Variants in OPRM1 observed in about 807,000 individuals in gnomAD.
OPRM1 encodes the protein opioid receptor mu 1, also known as mu-type opioid receptor.
In OPRM1, 27 loss-of-function variants were observed where a neutral mutation model predicts 31.8. The ratio of observed to expected loss-of-function variants is 0.85; its 90% CI spans 0.63 to 1.17. The LOEUF (loss-of-function observed/expected upper bound fraction) is 1.17. OPRM1 is among the 50% of genes most tolerant of loss of function. The probability of loss-of-function intolerance (pLI) is 0.00; values close to 1 mark genes in which losing one functional copy is unlikely to be tolerated. For missense variants in OPRM1, 536 were observed against 511.1 expected, an observed-to-expected ratio of 1.05 and a Z score of -0.47; for synonymous variants, 196 against 189.9, an observed-to-expected ratio of 1.03 and a Z score of -0.26.
chr6:154,212,729 G>A (rs1778065688), intron 3 of OPRM1: 1 of 1,322,922 alleles, frequency 7.6e-7, no homozygotes, highest in African/African-American at 1.4e-5. Context: ...ACATCCACAT[G>A]TCTGATCGAT....
chr6:154,025,331 A>T (rs969043541), intron 1 of OPRM1, among the ~76,000 whole-genome samples: 8 of 152,018 alleles, frequency 5.3e-5, no homozygotes, highest in Non-Finnish European at 1.0e-4. Context: ...TGATACAAGT[A>T]TAGTTAGTTA....
At chr6:154,043,379 A>G (rs1191869735) in intron 1 of OPRM1, among the ~76,000 whole-genome samples, 1 of 152,090 alleles carries the variant, frequency 6.6e-6, no homozygotes, top group Non-Finnish European at 1.5e-5. Flanking sequence ...TACTTGTTCT[A>G]TATACTAAAT....
In OPRM1 at chr6:154,173,341, G is replaced by A. The variant is rs200971154; in HGVS notation, c.1165-73352G>A. Among the ~76,000 whole-genome samples, 17 of 152,286 alleles carry A rather than the reference G, an allele frequency of 1.1e-4. No homozygotes were observed. The East Asian group carries it at 3.3e-3, about 29-fold the overall frequency. On this transcript the variant is annotated intron_variant, in intron 3 of 3. Coordinates refer to the OPRM1 transcript ENST00000337049. ...GAATTTGATGAGTTGACAGAAGTAG[G>A]CTTCAGAAGGTGGGTAATAACAAAC...
At chr6:154,031,698 G>A (rs1381300427) in intron 1 of OPRM1, among the ~76,000 whole-genome samples, 6 of 152,190 alleles carry the variant, frequency 3.9e-5, no homozygotes, top group East Asian at 3.9e-4. Context: ...CCGAGATCGC[G>A]CCATTGCACT....
At chr6:154,085,380 C>T (rs760078377) in intron 1 of OPRM1, among the ~76,000 whole-genome samples, 10 of 152,110 alleles carry the variant, frequency 6.6e-5, no homozygotes, top group Non-Finnish European at 1.3e-4. Context: ...CAGAAGAACA[C>T]AATTTTTTTC....
At chr6:154,096,063 T>C (rs1793324470) in intron 3 of OPRM1, among the ~76,000 whole-genome samples, 1 of 152,162 alleles carries the variant, frequency 6.6e-6, no homozygotes, top group Non-Finnish European at 1.5e-5. Flanking sequence ...TTGTTTGTTT[T>C]TTGATTTTTA....
At chr6:154,184,094 CTTTA>C (rs773536634) in intron 3 of OPRM1, among the ~76,000 whole-genome samples, 1 of 151,782 alleles carries the variant, frequency 6.6e-6, no homozygotes, top group African/African-American at 2.4e-5. Context: ...GTTGTTGTTG[CTTTA>C]TTTAAGAGAA....
chr6:154,068,336 A>G (rs1036009268), intron 1 of OPRM1, among the ~76,000 whole-genome samples: 1 of 152,138 alleles, frequency 6.6e-6, no homozygotes, highest in Admixed American at 6.5e-5. Context: ...AACAGTAATT[A>G]TGTCTTCTTT....
intron 3 of OPRM1, among the ~76,000 whole-genome samples, chr6:154,094,999 A>G (rs567193624): frequency 1.3e-5 from 2 of 152,350 alleles, no homozygotes; most frequent in African/African-American, 4.8e-5. Context: ...CATTAAAAAG[A>G]AAGTACTTCT....
chr6:154,053,014 A>G (rs1017892213), intron 1 of OPRM1, among the ~76,000 whole-genome samples: 6 of 152,154 alleles, frequency 3.9e-5, no homozygotes, highest in Non-Finnish European at 7.3e-5. Context: ...ACACAAAATT[A>G]TCTCTATTTC....
intron 3 of OPRM1, among the ~76,000 whole-genome samples, chr6:154,228,479 T>C (rs746392726): frequency 1.3e-5 from 2 of 152,184 alleles, no homozygotes; most frequent in East Asian, 1.9e-4. Flanking sequence ...ACACGTTCCT[T>C]TTCACTTTGT....
At chr6:154,137,118 G>T (rs1456492733), downstream of OPRM1, among the ~76,000 whole-genome samples, 1 of 152,086 alleles carries the variant, frequency 6.6e-6, no homozygotes, top group Non-Finnish European at 1.5e-5. Context: ...ATTACCCACA[G>T]TAGCCCAGCT....
chr6:154,137,646 G>A (rs1798091108), intron 3 of OPRM1, among the ~76,000 whole-genome samples: 2 of 152,172 alleles, frequency 1.3e-5, no homozygotes, highest in African/African-American at 4.8e-5. Flanking sequence ...CAAAATGAAA[G>A]TGTACAGCCT....
rs78084824 is a variant in OPRM1, at chr6:154,204,566, A to T, written c.1165-42127A>T. Among the ~76,000 whole-genome samples, 161 of 152,340 alleles carry T rather than the reference A, an allele frequency of 1.1e-3. 6 individuals carry two copies. The East Asian group carries it at 0.029, about 27-fold the overall frequency. On this transcript the variant is annotated intron_variant, in intron 3 of 3. Transcript: ENST00000337049. ...AAATACCAGAAGACCTTGTAATAGT[A>T]CACTCCTTCTCTGTCACTGACCTTC...
chr6:154,233,260 A>G (rs891169799), intron 3 of OPRM1, among the ~76,000 whole-genome samples: 4 of 152,218 alleles, frequency 2.6e-5, no homozygotes, highest in African/African-American at 9.6e-5. Context: ...GACTGAGTGC[A>G]TTGTAAGCTG....
chr6:154,154,845 T>C (rs1798647984), intron 3 of OPRM1: 1 of 152,554 alleles, frequency 6.6e-6, no homozygotes, highest in Admixed American at 6.6e-5. Flanking sequence ...ACAGTAAAAC[T>C]TAAGCTAAGA....
intron 3 of OPRM1, chr6:154,246,520 G>T: frequency 6.7e-7 from 1 of 1,483,068 alleles, no homozygotes; most frequent in Non-Finnish European, 9.1e-7. Flanking sequence ...CTTTCCCATA[G>T]GGATCACCTG....
At chr6:154,206,550 G>T (rs1433263998) in intron 3 of OPRM1, among the ~76,000 whole-genome samples, 1 of 151,996 alleles carries the variant, frequency 6.6e-6, no homozygotes, top group African/African-American at 2.4e-5. Flanking sequence ...AATAATTAGA[G>T]AAATAAACCA....
chr6:154,225,112 G>T (rs972974683), intron 3 of OPRM1, among the ~76,000 whole-genome samples: 9 of 152,090 alleles, frequency 5.9e-5, no homozygotes, highest in African/African-American at 2.2e-4. Flanking sequence ...TTTCTGATTT[G>T]GGGATATTTG....
Sources: allele counts gnomAD v4.1 joint callset (sites outside exome capture counted in the v4.1 genomes callset), GRCh38; gene constraint gnomAD v4.1.1; transcripts MANE v1.5; gene names NCBI Gene and HGNC (gene_info 2026-07-23, HGNC 2026-07-21).